Variants in ANKS1B observed in about 807,000 individuals in gnomAD.
ANKS1B encodes ankyrin repeat and sterile alpha motif domain containing 1B.
In ANKS1B, 36 loss-of-function variants were observed where a neutral mutation model predicts 148.3. The ratio of observed to expected loss-of-function variants is 0.24; its 90% CI spans 0.19 to 0.32. The LOEUF (loss-of-function observed/expected upper bound fraction) is 0.32, where lower values mean the gene tolerates loss of function less well. ANKS1B is among the 10% of genes least tolerant of loss of function. ANKS1B has a pLI of 1.00. For missense variants in ANKS1B, 1,157 were observed against 1,542.6 expected (o/e 0.75, Z 4.19); for synonymous variants, 542 against 560.8 (o/e 0.97, Z 0.47).
chr12:99,655,345 C>CT, intron 8 of ANKS1B, 135 bp from the exon 9 acceptor site: 1 of 684,526 alleles, frequency 1.5e-6, no homozygotes, highest in Admixed American at 3.1e-5. Context: ...AGTTACATGG[C>CT]TGTGCCCTGT....
At chr12:98,754,155 C>T (rs2098171105) in intron 25 of ANKS1B, among the ~76,000 whole-genome samples, 2 of 152,234 alleles carry the variant, frequency 1.3e-5, no homozygotes, top group South Asian at 4.1e-4. Flanking sequence ...CAGACATCTG[C>T]CTGCTGGAGA....
rs981187422 is a variant in ANKS1B, at chr12:98,744,342, C to T, written c.*1397G>A. 2.5e-5 allele frequency: 23 copies of T among 907,164 alleles called. No individual in the cohort carries two copies. Among genetic ancestry groups the T allele is most frequent in the Admixed American group, 6.2e-5 (1 of 16,116 alleles). The allele number at this position is 907,164 out of a possible 1,614,324, so 56.2% of individuals were successfully genotyped here. On this transcript the variant is annotated 3_prime_UTR_variant, in exon 27 of 27. Coordinates refer to ENST00000683438, the MANE Select transcript of ANKS1B (RefSeq NM_001352186.2). ...TCACCAACTGATGAATGTAACTGAT[C>T]ATCTCAGTTAGGTTTAAAATAATGT...
chr12:99,971,082 C>A (rs2095551833), intron 1 of ANKS1B, among the ~76,000 whole-genome samples: 1 of 152,108 alleles, frequency 6.6e-6, no homozygotes, highest in Admixed American at 6.5e-5. Context: ...CCTGAGTGCC[C>A]TGCTGGTTAG....
At chr12:98,970,561 G>A (rs148661813) in intron 17 of ANKS1B, among the ~76,000 whole-genome samples, 86 of 152,308 alleles carry the variant, frequency 5.6e-4, no homozygotes, top group Admixed American at 9.8e-4. Flanking sequence ...TTAAATGTGT[G>A]TCAACTTTTC....
chr12:99,115,342 AT>A (rs2153709489), intron 15 of ANKS1B, among the ~76,000 whole-genome samples: 1 of 152,334 alleles, frequency 6.6e-6, no homozygotes, highest in East Asian at 1.9e-4. Flanking sequence ...GCTGGAGGCC[AT>A]TATCCTTAGC....
In ANKS1B at chr12:99,103,109, T is replaced by C. The variant is rs111878718; in HGVS notation, c.2527-18086A>G. Reference sequence around the variant, plus strand: ...TAGGAGGGGTAGGCCTGGGGTGAGATAAAGGGCCTGGAAGAGGGAAGCAAG... The same window carrying C: ...TAGGAGGGGTAGGCCTGGGGTGAGACAAAGGGCCTGGAAGAGGGAAGCAAG... On this transcript the variant is annotated intron_variant, in intron 15 of 26. Coordinates refer to ENST00000683438, the MANE Select transcript of ANKS1B (RefSeq NM_001352186.2). Among the ~76,000 whole-genome samples, 21 of 152,054 alleles carry C rather than the reference T, an allele frequency of 1.4e-4. 1 individual carries two copies. The highest frequency in any genetic ancestry group is 5.1e-4 in the African/African-American group (21 of 41,474).
At chr12:99,159,729 C>A (rs1243837581) in intron 14 of ANKS1B, among the ~76,000 whole-genome samples, 3 of 152,116 alleles carry the variant, frequency 2.0e-5, no homozygotes, top group East Asian at 3.8e-4. Context: ...GATTTATTTT[C>A]TTTTGGATAT....
At chr12:99,930,749 T>C (rs2094592515) in intron 1 of ANKS1B, among the ~76,000 whole-genome samples, 1 of 152,212 alleles carries the variant, frequency 6.6e-6, no homozygotes, top group African/African-American at 2.4e-5. Context: ...TTGGTGGGAC[T>C]GTAAACTAGT....
chr12:99,403,546 G>A lies in ANKS1B; in HGVS notation c.1576-3735C>T, dbSNP rs556518333. ...AGATGCTGGATATTAGCCTTTGTCA[G>A]GTGAATAGTTTGCAAAAATTTTCTC... is the stretch of plus-strand genomic sequence containing the variant. On this transcript the variant is annotated intron_variant, in intron 11 of 26. Coordinates refer to ENST00000683438, the MANE Select transcript of ANKS1B (RefSeq NM_001352186.2). Among the ~76,000 whole-genome samples the A allele has an allele frequency of 4.1e-5, 6 of 144,590 alleles. 1 individual carries two copies. The South Asian group carries it at 1.3e-3, about 31-fold the overall frequency. 94.9% of individuals were successfully genotyped at this position (144,590 alleles called of 152,430 possible).
chr12:99,981,867 A>C (rs755694375), intron 1 of ANKS1B, among the ~76,000 whole-genome samples: 3 of 152,122 alleles, frequency 2.0e-5, no homozygotes, highest in Admixed American at 6.5e-5. Context: ...TCCTTCTAAA[A>C]CATTAAGAAA....
At chr12:98,925,135 A>T (rs374713151) in intron 17 of ANKS1B, among the ~76,000 whole-genome samples, 4 of 152,202 alleles carry the variant, frequency 2.6e-5, no homozygotes, top group South Asian at 2.1e-4. Context: ...CACAGCTGAT[A>T]AGCTTTCTGC....
chr12:99,459,924 C>T (rs182090401), intron 10 of ANKS1B, among the ~76,000 whole-genome samples: 1 of 151,938 alleles, frequency 6.6e-6, no homozygotes, highest in African/African-American at 2.4e-5. Flanking sequence ...TTCATACGGA[C>T]CCCAAAAAGA....
intron 17 of ANKS1B, among the ~76,000 whole-genome samples, chr12:98,908,188 G>C (rs985855546): frequency 6.6e-6 from 1 of 152,134 alleles, no homozygotes; most frequent in Non-Finnish European, 1.5e-5. Flanking sequence ...CTGTAGGAAA[G>C]GGAGATTGAC....
intron 17 of ANKS1B, among the ~76,000 whole-genome samples, chr12:99,034,975 G>A (rs2099954590): frequency 6.6e-6 from 1 of 152,158 alleles, no homozygotes; most frequent in Non-Finnish European, 1.5e-5. Context: ...CGATGAGGAA[G>A]GCCTTGACCC....
intron 1 of ANKS1B, among the ~76,000 whole-genome samples, chr12:99,924,382 C>A (rs2094437272): frequency 1.3e-5 from 2 of 152,162 alleles, no homozygotes; most frequent in African/African-American, 4.8e-5. Flanking sequence ...GATATTTCCC[C>A]ATTCTCTTTT....
intron 12 of ANKS1B, among the ~76,000 whole-genome samples, chr12:99,285,995 T>C (rs574547004): frequency 2.6e-5 from 4 of 152,076 alleles, no homozygotes; most frequent in African/African-American, 9.6e-5. Context: ...AATTGCAATT[T>C]GTGGGCAAGT....
intron 4 of ANKS1B, among the ~76,000 whole-genome samples, chr12:99,799,914 A>T (rs2066729726): frequency 6.6e-6 from 1 of 152,072 alleles, no homozygotes; most frequent in Admixed American, 6.6e-5. Flanking sequence ...CACTATAAGG[A>T]CTCTGGCTTT....
chr12:99,577,355 T>C (rs1042327490), intron 9 of ANKS1B, among the ~76,000 whole-genome samples: 11 of 150,724 alleles, frequency 7.3e-5, no homozygotes, highest in African/African-American at 2.2e-4. Context: ...ACCCCGATGC[T>C]AGCAGAAGAA....
In ANKS1B at chr12:99,842,806, T is replaced by C. The variant is rs527823283; in HGVS notation, c.135-17417A>G. 3.9e-5 allele frequency among the ~76,000 whole-genome samples: 6 copies of C among 152,292 alleles called. No individual in the cohort carries two copies. In the South Asian group the frequency reaches 1.2e-3, roughly 32 times the overall value. On this transcript the variant is annotated intron_variant, in intron 1 of 26. Transcript: ENST00000683438. ...CTTACCTTGCTTTAACAAGCATCAT[T>C]GAATAATTTTTGTTAATGCATGAGC...
Sources: allele counts gnomAD v4.1 joint callset (sites outside exome capture counted in the v4.1 genomes callset), GRCh38; gene constraint gnomAD v4.1.1; transcripts MANE v1.5; gene names NCBI Gene and HGNC (gene_info 2026-07-23, HGNC 2026-07-21).